Variants in TLN2 observed in about 807,000 individuals in gnomAD.
The protein encoded by TLN2 is talin 2, also known as talin-2.
Under a neutral mutation model 294.7 loss-of-function variants are expected in TLN2, and 118 were observed. The observed-to-expected ratio is 0.40, with a 90% CI of 0.34 to 0.47. The LOEUF is 0.47. Ranked by LOEUF, TLN2 falls within the 20% of genes least tolerant of loss-of-function variation. The pLI, the probability that TLN2 is intolerant of heterozygous loss-of-function variation, is 0.84. For synonymous variants in TLN2, 1,431 were observed against 1,304.5 expected, an observed-to-expected ratio of 1.10 and a Z score of -2.09; for missense variants, 3,083 against 3,282.2, an observed-to-expected ratio of 0.94 and a Z score of 1.48.
At chr15:62,780,614 A>G (rs1490978815) in intron 43 of TLN2, among the ~76,000 whole-genome samples, 1 of 152,216 alleles carries the variant, frequency 6.6e-6, no homozygotes, top group Admixed American at 6.5e-5. Flanking sequence ...CAGGTGAGCA[A>G]CAATTTATTC....
At chr15:62,640,037 A>G (rs1384461850) in intron 3 of TLN2, 1 of 404,476 alleles carries the variant, frequency 2.5e-6, no homozygotes, top group East Asian at 7.1e-5. Context: ...CTGAATGTTC[A>G]AGGCAAGCTT....
chr15:62,428,430 G>C (rs1435696867), intron 1 of TLN2, among the ~76,000 whole-genome samples: 1 of 152,202 alleles, frequency 6.6e-6, no homozygotes, highest in Non-Finnish European at 1.5e-5. Context: ...TAGACGTAAT[G>C]TTTGTCCCTC....
intron 1 of TLN2, among the ~76,000 whole-genome samples, chr15:62,448,199 A>G (rs1258820823): frequency 6.6e-6 from 1 of 152,170 alleles, no homozygotes; most frequent in Non-Finnish European, 1.5e-5. Flanking sequence ...TGTCCTGGGG[A>G]AGGCTTGGGT....
intron 3 of TLN2, chr15:62,640,229 C>T (rs1405777710): frequency 2.2e-6 from 1 of 455,904 alleles, no homozygotes; most frequent in African/African-American, 2.0e-5. Flanking sequence ...GAAGCTCTTT[C>T]TTTGGTGTTT....
At chr15:62,512,397 C>T (rs887363460) in intron 1 of TLN2, among the ~76,000 whole-genome samples, 1 of 152,052 alleles carries the variant, frequency 6.6e-6, no homozygotes, top group African/African-American at 2.4e-5. Context: ...AACCTTTCCC[C>T]CATTCTGGAT....
Position 62,647,353 on chromosome 15 carries a change from G to T in TLN2, c.43G>T (p.Val15Leu). Residue 15 changes from valine to leucine, a missense_variant, in exon 4 of 59, where the codon GTG becomes TTG. Coordinates refer to ENST00000636159, the MANE Select transcript of TLN2 (RefSeq NM_015059.3). Reference protein sequence around the residue: ...SLKICVRHCNVVKTMQFEPST... With the variant: ...SLKICVRHCNLVKTMQFEPST... Reference sequence around the variant, plus strand: ...AAAGATTTGTGTGCGCCACTGCAACGTGGTGAAGACCATGCAGTTTGAACC... The same window carrying T: ...AAAGATTTGTGTGCGCCACTGCAACTTGGTGAAGACCATGCAGTTTGAACC... 1 of 1,614,202 alleles carries T rather than the reference G, an allele frequency of 6.2e-7. No individual in the cohort carries two copies.
intron 36 of TLN2, chr15:62,754,750 G>C (rs1338746126): frequency 6.6e-6 from 1 of 152,324 alleles, no homozygotes; most frequent in Non-Finnish European, 1.5e-5. Context: ...GGCCAAAGGG[G>C]TGTTACCAGC....
In TLN2 at chr15:62,390,683, C is replaced by T. The variant is rs974065485; in HGVS notation, c.-240C>T. The T allele has an allele frequency of 1.3e-5, 2 of 152,098 alleles. No homozygotes were observed. The highest frequency in any genetic ancestry group is 4.8e-5 in the African/African-American group (2 of 41,444). The allele number at this position is 152,098 out of a possible 1,614,324, so 9.4% of individuals were successfully genotyped here. A position where few individuals can be genotyped will look rare whatever the true frequency, so the allele number is the denominator to read the frequency against. On this transcript the variant is annotated splice_region_variant and 5_prime_UTR_variant, in exon 1 of 59. Transcript: ENST00000636159. ...TGCAATGAGACAGTAAATGCATCCC[C>T]CGGTAAGGCGCACGGCTCACTCGGG...
intron 25 of TLN2, 126 bp downstream of exon 25, chr15:62,720,006 G>GGCCTCT (rs1273163019): frequency 1.5e-6 from 1 of 656,224 alleles, no homozygotes; most frequent in Non-Finnish European, 2.3e-6. Context: ...AGGGCTTGAA[G>GGCCTCT]GCCTCTTCTT....
chr15:62,815,177 TCACACACACACACACACACACACACACA>T (rs3055852), intron 52 of TLN2, among the ~76,000 whole-genome samples: 14 of 140,688 alleles, frequency 1.0e-4, no homozygotes, highest in South Asian at 7.0e-4. Flanking sequence ...ATTCTGTCTG[TCACACACACACACACACACACACACACA>T]CACACACACA....
chr15:62,731,715 A>C (rs939653157), intron 28 of TLN2, among the ~76,000 whole-genome samples: 1 of 152,210 alleles, frequency 6.6e-6, no homozygotes, highest in African/African-American at 2.4e-5. Flanking sequence ...AAGCAATCCT[A>C]AACATTGGAC....
chr15:62,539,958 T>A (rs564146183), intron 1 of TLN2, among the ~76,000 whole-genome samples: 3 of 151,026 alleles, frequency 2.0e-5, no homozygotes, highest in Non-Finnish European at 4.4e-5. Flanking sequence ...CTCCAACTGC[T>A]CATTTTGCAG....
chr15:62,404,193 A>G (rs2140242078), intron 1 of TLN2, among the ~76,000 whole-genome samples: 1 of 152,348 alleles, frequency 6.6e-6, no homozygotes, highest in African/African-American at 2.4e-5. Flanking sequence ...GTATTGAATG[A>G]AGAAAGCACA....
intron 1 of TLN2, among the ~76,000 whole-genome samples, chr15:62,550,534 A>C (rs1300478761): frequency 6.6e-6 from 1 of 152,208 alleles, no homozygotes; most frequent in African/African-American, 2.4e-5. Context: ...AGACAGAATA[A>C]ATGTTCAGAA....
intron 1 of TLN2, among the ~76,000 whole-genome samples, chr15:62,475,887 G>A (rs1368843787): frequency 1.3e-5 from 2 of 152,230 alleles, no homozygotes; most frequent in Admixed American, 6.5e-5. Context: ...AGTTTTATTA[G>A]AGTGGTAATT....
intron 3 of TLN2, among the ~76,000 whole-genome samples, chr15:62,641,421 A>T (rs1275915980): frequency 6.6e-6 from 1 of 151,906 alleles, no homozygotes. Flanking sequence ...GTTTGAGACC[A>T]GCCTGGCCAA....
intron 1 of TLN2, among the ~76,000 whole-genome samples, chr15:62,482,338 C>T (rs1412944570): frequency 6.6e-6 from 1 of 152,064 alleles, no homozygotes; most frequent in Non-Finnish European, 1.5e-5. Context: ...CATGGTGGCT[C>T]ATGCCTGTAA....
intron 2 of TLN2, 127 bp from the exon 3 acceptor site, chr15:62,618,224 C>T (rs1344367039): frequency 6.6e-6 from 1 of 152,202 alleles, no homozygotes; most frequent in East Asian, 1.9e-4. Flanking sequence ...TGAACATTTT[C>T]TCCTATTCTT....
chr15:62,668,917 A>G (rs1396452630), intron 9 of TLN2, among the ~76,000 whole-genome samples: 3 of 152,242 alleles, frequency 2.0e-5, no homozygotes, highest in East Asian at 1.9e-4. Flanking sequence ...ATGTAGAATC[A>G]TAACAGGTGA....
Sources: allele counts gnomAD v4.1 joint callset (sites outside exome capture counted in the v4.1 genomes callset), GRCh38; gene constraint gnomAD v4.1.1; transcripts MANE v1.5; gene names NCBI Gene and HGNC (gene_info 2026-07-23, HGNC 2026-07-21).